The following MB21D2 variants were observed in gnomAD, a reference collection of about 807,000 sequenced individuals.
The protein encoded by MB21D2 is nucleotidyltransferase MB21D2.
Under a neutral mutation model 33.3 loss-of-function variants are expected in MB21D2, and 9 were observed. That is an observed-to-expected ratio of 0.27 (90% CI 0.16 to 0.47). MB21D2 has a LOEUF of 0.47. Among genes scored for constraint, MB21D2 ranks in the 20% least tolerant of loss-of-function variants. The pLI, the probability that MB21D2 is intolerant of heterozygous loss-of-function variation, is 0.99. For synonymous variants in MB21D2, 241 were observed against 236.3 expected, an observed-to-expected ratio of 1.02 and a Z score of -0.18; for missense variants, 540 against 624.6, an observed-to-expected ratio of 0.86 and a Z score of 1.44.
intron 1 of MB21D2, among the ~76,000 whole-genome samples, chr3:192,871,719 G>A (rs971971251): frequency 2.0e-5 from 3 of 152,308 alleles, no homozygotes; most frequent in Middle Eastern, 3.4e-3. Flanking sequence ...GGCTGTGGAG[G>A]TGGGGAGAAG....
chr3:192,798,326 C>G lies in MB21D2; in HGVS notation c.*60G>C. On this transcript the variant is annotated 3_prime_UTR_variant, in exon 2 of 2. Coordinates refer to ENST00000392452, the MANE Select transcript of MB21D2 (RefSeq NM_178496.4). This position sits in a 1 kb window ranked among gnomAD's most constrained non-coding sequence, Gnocchi z 4.8. ...TGTAAAAAACAGAAAGATAGCATCA[C>G]AAACCACACGACACATTATCAGAGT... 6.4e-7 allele frequency: 1 copy of G among 1,555,308 alleles called. No individual in the cohort carries two copies. Among genetic ancestry groups the G allele is most frequent in the South Asian group, 1.2e-5 (1 of 83,248 alleles).
intron 1 of MB21D2, among the ~76,000 whole-genome samples, chr3:192,893,650 A>G (rs1209033920): frequency 1.3e-5 from 2 of 152,164 alleles, no homozygotes; most frequent in Non-Finnish European, 1.5e-5. Flanking sequence ...TTCACTGCCC[A>G]TTTCTCAGGG....
chr3:192,816,449 A>G (rs1711926516), intron 1 of MB21D2, among the ~76,000 whole-genome samples: 2 of 152,304 alleles, frequency 1.3e-5, no homozygotes, highest in South Asian at 4.1e-4. Context: ...TGAAGTTTTC[A>G]GTCTTTCCAC....
chr3:192,882,797 C>T (rs553717484), intron 1 of MB21D2, among the ~76,000 whole-genome samples: 30 of 151,538 alleles, frequency 2.0e-4, no homozygotes, highest in Non-Finnish European at 3.1e-4. Context: ...TGCAATGGCA[C>T]GATCTTGGCT....
intron 1 of MB21D2, among the ~76,000 whole-genome samples, chr3:192,885,882 A>C (rs1242381956): frequency 6.6e-6 from 1 of 152,156 alleles, no homozygotes; most frequent in East Asian, 1.9e-4. Flanking sequence ...CAAATTTTGG[A>C]CAATCCCACA....
At chr3:192,839,566 T>G (rs1350671955) in intron 1 of MB21D2, among the ~76,000 whole-genome samples, 1 of 152,226 alleles carries the variant, frequency 6.6e-6, no homozygotes, top group East Asian at 1.9e-4. Flanking sequence ...TATAGAAGTT[T>G]CTGGAAATAT....
chr3:192,844,754 A>G (rs1056787454), intron 1 of MB21D2, among the ~76,000 whole-genome samples: 14 of 152,182 alleles, frequency 9.2e-5, no homozygotes, highest in Non-Finnish European at 1.9e-4. Flanking sequence ...CCTTCTTCAC[A>G]TTAACTCTTA....
In MB21D2 at chr3:192,888,676, T is replaced by C. The variant is rs992594662; in HGVS notation, c.211+28954A>G. On this transcript the variant is annotated intron_variant, in intron 1 of 1. Coordinates refer to ENST00000392452, the MANE Select transcript of MB21D2 (RefSeq NM_178496.4). ...CATATGATCATACAGCTCCCATTTA[T>C]TGTGCTTTCGAGGTGAGCACGAAGC... Among the ~76,000 whole-genome samples, 8 of 152,142 alleles carry C rather than the reference T, an allele frequency of 5.3e-5. 1 individual carries two copies. Among genetic ancestry groups the C allele is most frequent in the African/African-American group, 1.9e-4 (8 of 41,370 alleles).
chr3:192,901,326 T>C (rs1238543405), intron 1 of MB21D2, among the ~76,000 whole-genome samples: 1 of 145,460 alleles, frequency 6.9e-6, no homozygotes, highest in Non-Finnish European at 1.5e-5. Flanking sequence ...TCCCAGCACT[T>C]TGGGAGGCCG....
At chr3:192,881,320 A>G (rs1030347775) in intron 1 of MB21D2, among the ~76,000 whole-genome samples, 6 of 152,092 alleles carry the variant, frequency 3.9e-5, no homozygotes, top group Non-Finnish European at 8.8e-5. Flanking sequence ...GTGAATCACC[A>G]GGAGGACATA....
intron 1 of MB21D2, among the ~76,000 whole-genome samples, chr3:192,914,070 G>A (rs1714411331): frequency 6.6e-6 from 1 of 152,008 alleles, no homozygotes. Context: ...TTAAAACAAA[G>A]CCTTTCCTCT....
At chr3:192,868,498 C>T (rs1713216840) in intron 1 of MB21D2, among the ~76,000 whole-genome samples, 1 of 151,916 alleles carries the variant, frequency 6.6e-6, no homozygotes, top group Admixed American at 6.6e-5. Context: ...TTTGCTTAAG[C>T]AAGTTTGTAT....
chr3:192,815,468 T>C (rs1288475303), intron 1 of MB21D2, among the ~76,000 whole-genome samples: 1 of 152,188 alleles, frequency 6.6e-6, no homozygotes, highest in African/African-American at 2.4e-5. Flanking sequence ...TTTAGCAATG[T>C]TGAAATGCTT....
intron 1 of MB21D2, among the ~76,000 whole-genome samples, chr3:192,837,884 G>A (rs947682767): frequency 4.6e-5 from 7 of 152,168 alleles, no homozygotes; most frequent in African/African-American, 1.7e-4. Context: ...AGAAACATCA[G>A]AAACCTGGAG....
At chr3:192,812,280 T>TC (rs377700862) in intron 1 of MB21D2, among the ~76,000 whole-genome samples, 4 of 152,214 alleles carry the variant, frequency 2.6e-5, no homozygotes, top group African/African-American at 9.6e-5. Flanking sequence ...ACTCCTGACC[T>TC]CCCAACTGGC....
intron 1 of MB21D2, among the ~76,000 whole-genome samples, chr3:192,880,959 T>C (rs184393333): frequency 4.1e-4 from 63 of 152,162 alleles, no homozygotes; most frequent in African/African-American, 1.5e-3. Flanking sequence ...CTGAAAATTA[T>C]AAAGAATGTA....
chr3:192,856,856 T>A (rs1473756637), intron 1 of MB21D2, among the ~76,000 whole-genome samples: 2 of 152,120 alleles, frequency 1.3e-5, no homozygotes, highest in Non-Finnish European at 2.9e-5. Context: ...CCTGGCCAAA[T>A]CACAGCATTT....
intron 1 of MB21D2, among the ~76,000 whole-genome samples, chr3:192,829,921 T>C (rs1346984882): frequency 6.6e-6 from 1 of 152,070 alleles, no homozygotes; most frequent in East Asian, 1.9e-4. Context: ...GAGACAAGGG[T>C]CTTGCTATGT....
chr3:192,876,590 G>A (rs1444329367), intron 1 of MB21D2, among the ~76,000 whole-genome samples: 1 of 152,182 alleles, frequency 6.6e-6, no homozygotes, highest in African/African-American at 2.4e-5. Context: ...CGCTGCAATA[G>A]ATGTTGCCCT....
Sources: allele counts gnomAD v4.1 joint callset (sites outside exome capture counted in the v4.1 genomes callset), GRCh38; gene constraint gnomAD v4.1.1; non-coding constraint Gnocchi (gnomAD v3.1); transcripts MANE v1.5; gene names NCBI Gene and HGNC (gene_info 2026-07-23, HGNC 2026-07-21).